The following ZNF215 variants were observed in gnomAD, a reference collection of about 807,000 sequenced individuals.
ZNF215 encodes the protein BWSCR2-associated zinc finger protein 2.
A neutral mutation model predicts 27.2 loss-of-function variants in ZNF215; 24 were observed. The observed-to-expected ratio is 0.88, with a 90% CI of 0.64 to 1.24. The LOEUF (loss-of-function observed/expected upper bound fraction) is 1.24, where lower values mean the gene tolerates loss of function less well. Ranked by LOEUF, ZNF215 falls within the 50% of genes most tolerant of loss-of-function variation. The pLI is 0.00. For synonymous variants in ZNF215, 210 were observed against 204.0 expected (o/e 1.03, Z -0.25); for missense variants, 675 against 605.7 (o/e 1.11, Z -1.20).
At chr11:6,981,616 A>C (rs1271580200) in intron 5 of ZNF215, among the ~76,000 whole-genome samples, 1 of 152,026 alleles carries the variant, frequency 6.6e-6, no homozygotes, top group African/African-American at 2.4e-5. Context: ...TAGTTTAATT[A>C]GATCCCATTT....
At chr11:6,954,977 C>A (rs1850266990) in intron 6 of ZNF215, among the ~76,000 whole-genome samples, 2 of 152,054 alleles carry the variant, frequency 1.3e-5, no homozygotes, top group South Asian at 4.2e-4. Flanking sequence ...GGAAGTGGAA[C>A]ATAATTAAAT....
intron 5 of ZNF215, among the ~76,000 whole-genome samples, chr11:6,983,206 A>G (rs1402821444): frequency 6.6e-6 from 1 of 152,248 alleles, no homozygotes; most frequent in African/African-American, 2.4e-5. Flanking sequence ...AGACTAAATC[A>G]GGAAGAAGTT....
At chr11:6,949,482 C>A (rs561373477) in intron 6 of ZNF215, among the ~76,000 whole-genome samples, 1 of 152,252 alleles carries the variant, frequency 6.6e-6, no homozygotes, top group East Asian at 1.9e-4. Flanking sequence ...TTTTGAGTTG[C>A]ATTTCTCTGA....
intron 6 of ZNF215, among the ~76,000 whole-genome samples, chr11:6,946,837 T>C (rs927127923): frequency 1.3e-5 from 2 of 152,270 alleles, no homozygotes; most frequent in South Asian, 4.2e-4. Flanking sequence ...CAGCCCGTGG[T>C]GCATATAGGA....
chr11:6,956,612 A>G lies in ZNF215; in HGVS notation c.*81A>G. On this transcript the variant is annotated 3_prime_UTR_variant, in exon 7 of 7. Transcript: ENST00000278319. Reference sequence around the variant, plus strand: ...ATGAATTTATGCTGGATAAAATCTCATGAATATAATGTAAGAAAACATTTG... The same window carrying G: ...ATGAATTTATGCTGGATAAAATCTCGTGAATATAATGTAAGAAAACATTTG... The G allele has an allele frequency of 6.9e-7, 1 of 1,453,476 alleles. No homozygotes were observed. The highest frequency in any genetic ancestry group is 2.4e-5 in the East Asian group (1 of 42,420). The allele number at this position is 1,453,476 out of a possible 1,614,324, so 90.0% of individuals were successfully genotyped here. A position where few individuals can be genotyped will look rare whatever the true frequency, so the allele number is the denominator to read the frequency against.
intron 5 of ZNF215, among the ~76,000 whole-genome samples, chr11:6,963,378 G>A (rs985700467): frequency 7.2e-5 from 11 of 151,940 alleles, no homozygotes; most frequent in African/African-American, 2.7e-4. Context: ...ACATGTTATT[G>A]CATGTTATTT....
chr11:6,939,760 G>A (rs1849571672), intron 3 of ZNF215, among the ~76,000 whole-genome samples: 2 of 152,258 alleles, frequency 1.3e-5, no homozygotes, highest in East Asian at 3.9e-4. Flanking sequence ...GGAAGAAAAG[G>A]ACATTCAGAG....
chr11:6,973,998 G>T (rs998128686), intron 5 of ZNF215, among the ~76,000 whole-genome samples: 25 of 152,158 alleles, frequency 1.6e-4, no homozygotes, highest in Middle Eastern at 6.8e-3. Context: ...GTACTGCCTA[G>T]GTTTTCTTCT....
intron 2 of ZNF215, among the ~76,000 whole-genome samples, chr11:6,929,518 C>G (rs905910453): frequency 6.6e-6 from 1 of 152,080 alleles, no homozygotes; most frequent in Non-Finnish European, 1.5e-5. Flanking sequence ...CTCAGACATT[C>G]CTTGTTTCTG....
chr11:6,974,987 G>A (rs551060418), intron 5 of ZNF215, among the ~76,000 whole-genome samples: 2 of 152,246 alleles, frequency 1.3e-5, no homozygotes, highest in East Asian at 3.9e-4. Context: ...CAAAGGGAAT[G>A]CTTTAAGTTT....
intron 6 of ZNF215, among the ~76,000 whole-genome samples, chr11:6,945,830 T>TA (rs1179155404): frequency 3.3e-5 from 5 of 152,210 alleles, no homozygotes; most frequent in African/African-American, 1.2e-4. Flanking sequence ...AACTAAAACT[T>TA]AAATTATTTC....
intron 5 of ZNF215, among the ~76,000 whole-genome samples, chr11:6,966,568 T>A (rs191038420): frequency 1.3e-5 from 2 of 152,314 alleles, no homozygotes; most frequent in East Asian, 3.9e-4. Context: ...ACAGAATTGT[T>A]CACAATATTA....
intron 6 of ZNF215, among the ~76,000 whole-genome samples, chr11:6,949,573 G>A (rs950294602): frequency 6.6e-6 from 1 of 151,072 alleles, no homozygotes; most frequent in African/African-American, 2.4e-5. Flanking sequence ...ACTTGTTGAT[G>A]GCGTTGTTTG....
intron 6 of ZNF215, among the ~76,000 whole-genome samples, chr11:6,952,801 G>T (rs973734891): frequency 1.3e-5 from 2 of 151,976 alleles, no homozygotes; most frequent in African/African-American, 2.4e-5. Flanking sequence ...TTATTTTGCT[G>T]GTTAGTTGAT....
At position 6,932,264 on chromosome 11, in the gene ZNF215, T is replaced by C. The variant is rs1324833881; in HGVS notation, c.-9T>C. ...GATTTGAACTACTGTGGGAGTTCTA[T>C]TTAGGAAGATGCAGCCTCTGAGCAA... On this transcript the variant is annotated 5_prime_UTR_variant, in exon 3 of 7. Coordinates refer to ENST00000278319, the MANE Select transcript of ZNF215 (RefSeq NM_013250.4). The C allele has an allele frequency of 1.2e-6, 2 of 1,611,478 alleles. No individual in the cohort carries two copies. Among genetic ancestry groups the C allele is most frequent in the Non-Finnish European group, 8.5e-7 (1 of 1,178,772 alleles).
chr11:6,970,961 T>C (rs760851595), intron 5 of ZNF215, among the ~76,000 whole-genome samples: 16 of 152,134 alleles, frequency 1.1e-4, no homozygotes, highest in Non-Finnish European at 2.2e-4. Flanking sequence ...TCCTTGCAAG[T>C]GATTGGTAGA....
chr11:6,946,338 C>T (rs1225268256), intron 6 of ZNF215, among the ~76,000 whole-genome samples: 1 of 152,170 alleles, frequency 6.6e-6, no homozygotes, highest in African/African-American at 2.4e-5. Context: ...ATTCTATTCT[C>T]TGCCTACTTC....
At chr11:6,948,392 G>T (rs1220202027) in intron 6 of ZNF215, among the ~76,000 whole-genome samples, 1 of 152,132 alleles carries the variant, frequency 6.6e-6, no homozygotes, top group Non-Finnish European at 1.5e-5. Context: ...ACACTGGTGA[G>T]GCGGAGACAG....
intron 5 of ZNF215, among the ~76,000 whole-genome samples, chr11:6,982,349 G>A (rs867273525): frequency 4.6e-5 from 7 of 151,948 alleles, no homozygotes; most frequent in South Asian, 4.2e-4. Context: ...ACAGATCAAC[G>A]AGACAGAAAG....
Sources: gnomAD v4.1 joint callset for allele counts (sites outside exome capture counted in the v4.1 genomes callset) on GRCh38, gnomAD v4.1.1 for gene constraint, MANE v1.5 for transcripts, NCBI Gene and HGNC (gene_info 2026-07-23, HGNC 2026-07-21) for gene names.